Variants in NEK11 observed in about 807,000 individuals in gnomAD.
NEK11 encodes the protein NIMA related kinase 11, also known as serine/threonine-protein kinase Nek11.
A neutral mutation model predicts 80.7 loss-of-function variants in NEK11; 72 were observed. The ratio of observed to expected loss-of-function variants is 0.89; its 90% confidence interval spans 0.74 to 1.08. NEK11 has a LOEUF of 1.08. Ranked by LOEUF, NEK11 falls within the 50% of genes least tolerant of loss-of-function variation. The pLI is 0.00. For missense variants in NEK11, 764 were observed against 763.6 expected, an observed-to-expected ratio of 1.00 and a Z score of -0.01; for synonymous variants, 251 against 260.7, an observed-to-expected ratio of 0.96 and a Z score of 0.36.
At chr3:131,343,581 G>C (rs1428028626) in intron 17 of NEK11, among the ~76,000 whole-genome samples, 4 of 152,190 alleles carry the variant, frequency 2.6e-5, no homozygotes, top group Admixed American at 2.6e-4. Flanking sequence ...CCCAGCAGCA[G>C]GCTTCTGTCT....
At chr3:131,255,813 C>G (rs2095805040) in intron 16 of NEK11, among the ~76,000 whole-genome samples, 1 of 152,174 alleles carries the variant, frequency 6.6e-6, no homozygotes, top group Admixed American at 6.6e-5. Flanking sequence ...GAATTACAAA[C>G]CTTCTACTTC....
chr3:131,060,193 A>G (rs140204126), intron 3 of NEK11, among the ~76,000 whole-genome samples: 1 of 152,326 alleles, frequency 6.6e-6, no homozygotes, highest in East Asian at 1.9e-4. Flanking sequence ...GTTCAGTAGC[A>G]ATCAGAATAA....
rs138346931 is a variant in NEK11 at position 131,091,843 on chromosome 3, C to T, written c.336+11255C>T. On this transcript the variant is annotated intron_variant, in intron 4 of 17. Coordinates refer to ENST00000383366, the MANE Select transcript of NEK11 (RefSeq NM_024800.5). Reference sequence around the variant, plus strand: ...GCAAACTTCAGAACTAGAAGGAGTTCGGAGAGCTCTTTCTGCCCAGCAACC... The same window carrying T: ...GCAAACTTCAGAACTAGAAGGAGTTTGGAGAGCTCTTTCTGCCCAGCAACC... Among the ~76,000 whole-genome samples, 364 of 152,238 alleles carry T rather than the reference C, an allele frequency of 2.4e-3. 1 individual carries two copies. The highest frequency in any genetic ancestry group is 8.1e-3 in the African/African-American group (338 of 41,542).
chr3:131,177,816 C>A (rs2093120275), intron 14 of NEK11, among the ~76,000 whole-genome samples: 1 of 152,186 alleles, frequency 6.6e-6, no homozygotes, highest in African/African-American at 2.4e-5. Flanking sequence ...ATACAAAAAA[C>A]CTATTCAAAT....
chr3:131,194,949 C>G (rs1313442647), intron 14 of NEK11, among the ~76,000 whole-genome samples: 1 of 152,116 alleles, frequency 6.6e-6, no homozygotes, highest in African/African-American at 2.4e-5. Flanking sequence ...ACACTGTCAT[C>G]TATAACATGG....
At chr3:131,160,201 G>A (rs2091344472) in intron 10 of NEK11, among the ~76,000 whole-genome samples, 1 of 152,276 alleles carries the variant, frequency 6.6e-6, no homozygotes, top group Non-Finnish European at 1.5e-5. Context: ...CACATACAAA[G>A]GGAAGCCCAT....
chr3:131,085,232 T>C (rs2029684), intron 4 of NEK11, among the ~76,000 whole-genome samples: 28,026 of 152,230 alleles, frequency 0.18, 2,676 homozygotes, highest in Non-Finnish European at 0.21. Context: ...CTTGGCAGTT[T>C]TAGCTCTCAT....
chr3:131,091,883 T>C (rs1366615255), intron 4 of NEK11, among the ~76,000 whole-genome samples: 1 of 152,196 alleles, frequency 6.6e-6, no homozygotes, highest in Non-Finnish European at 1.5e-5. Flanking sequence ...CAATGAGCTT[T>C]TATAGGATGG....
intron 17 of NEK11, among the ~76,000 whole-genome samples, chr3:131,323,832 A>G (rs1009950513): frequency 7.9e-5 from 12 of 152,120 alleles, no homozygotes; most frequent in African/African-American, 2.7e-4. Flanking sequence ...TTCACACCTC[A>G]TGTGTGTGAA....
At chr3:131,128,199 T>C (rs2083706470) in intron 5 of NEK11, among the ~76,000 whole-genome samples, 1 of 152,194 alleles carries the variant, frequency 6.6e-6, no homozygotes, top group Non-Finnish European at 1.5e-5. Flanking sequence ...ACATTAGGGT[T>C]CATTCTTAGT....
Position 131,147,922 on chromosome 3 carries a change from A to C in NEK11, c.648-4466A>C, listed in dbSNP as rs143873413. 3.0e-3 allele frequency among the ~76,000 whole-genome samples: 456 copies of C among 152,012 alleles called. 1 individual carries two copies. Among genetic ancestry groups the C allele is most frequent in the Middle Eastern group, 6.8e-3 (2 of 294 alleles). ...AGAAGTGATGATAGTAGGCATTCTTATTTTGTTCCTAATCTCAGAAGAAAA... is the reference window on the plus strand; with the variant it reads ...AGAAGTGATGATAGTAGGCATTCTTCTTTTGTTCCTAATCTCAGAAGAAAA... On this transcript the variant is annotated intron_variant, in intron 7 of 17. Transcript: ENST00000383366.
chr3:131,288,679 C>T (rs979360734), intron 17 of NEK11, among the ~76,000 whole-genome samples: 23 of 151,668 alleles, frequency 1.5e-4, no homozygotes, highest in African/African-American at 5.1e-4. Context: ...CTCGAACTCC[C>T]GACCTCAGGT....
intron 3 of NEK11, among the ~76,000 whole-genome samples, chr3:131,033,269 C>G (rs1461147825): frequency 6.6e-6 from 1 of 151,902 alleles, no homozygotes; most frequent in Non-Finnish European, 1.5e-5. Context: ...AGCAATTTGA[C>G]TAGATAAGGT....
intron 3 of NEK11, among the ~76,000 whole-genome samples, chr3:131,030,808 C>T (rs528707744): frequency 6.6e-6 from 1 of 152,298 alleles, no homozygotes; most frequent in East Asian, 1.9e-4. Flanking sequence ...ACAGTACCTC[C>T]CTTACAGATA....
chr3:131,228,433 A>C (rs1239711107), intron 14 of NEK11, 95 bp from the exon 15 acceptor site: 1 of 1,151,846 alleles, frequency 8.7e-7, no homozygotes, highest in African/African-American at 1.5e-5. Flanking sequence ...TTGTCAACGC[A>C]AGCAAAATAT....
chr3:131,108,717 G>T (rs116719594), intron 4 of NEK11, among the ~76,000 whole-genome samples: 374 of 151,972 alleles, frequency 2.5e-3, no homozygotes, highest in African/African-American at 8.7e-3. Context: ...TTTACTTATT[G>T]CCAGTGAATG....
chr3:131,288,451 T>TTTCTTTC (rs555505456), intron 17 of NEK11, among the ~76,000 whole-genome samples: 2,474 of 63,536 alleles, frequency 0.039, 48 homozygotes, highest in African/African-American at 0.11. Context: ...TCTTTCTTTC[T>TTTCTTTC]TTTTTTTTTT....
rs554033024 is a variant in NEK11 at position 131,121,291 on chromosome 3, G to A, written c.455+11370G>A. ...TGCCTGGGTATCACCAGCAGAGGCT[G>A]CAGAACAGCAAACATTGCAGAATGG... On this transcript the variant is annotated intron_variant, in intron 5 of 17. Coordinates refer to ENST00000383366, the MANE Select transcript of NEK11 (RefSeq NM_024800.5). Among the ~76,000 whole-genome samples the A allele has an allele frequency of 3.4e-4, 52 of 152,330 alleles. 1 individual carries two copies. The highest frequency in any genetic ancestry group is 1.9e-3 in the Admixed American group (29 of 15,298).
intron 5 of NEK11, 66 bp downstream of exon 5, chr3:131,109,987 G>T: frequency 1.3e-6 from 2 of 1,499,858 alleles, no homozygotes; most frequent in South Asian, 2.7e-5. Flanking sequence ...CTTGAAAAGT[G>T]AATTTTTTTT....
Sources: allele counts gnomAD v4.1 joint callset (sites outside exome capture counted in the v4.1 genomes callset), GRCh38; gene constraint gnomAD v4.1.1; transcripts MANE v1.5; gene names NCBI Gene and HGNC (gene_info 2026-07-23, HGNC 2026-07-21).